The following PREP variants were observed in gnomAD, a reference collection of about 807,000 sequenced individuals.
PREP encodes prolyl endopeptidase, also known as dJ355L5.1 (prolyl endopeptidase).
Under a neutral mutation model 87.6 loss-of-function variants are expected in PREP, and 29 were observed. That is an observed-to-expected ratio of 0.33 (90% confidence interval 0.25 to 0.45). PREP has a LOEUF of 0.45. Ranked by LOEUF, PREP falls within the 20% of genes least tolerant of loss-of-function variation. PREP has a pLI of 1.00. For missense variants in PREP, 695 were observed against 886.5 expected, an observed-to-expected ratio of 0.78 and a Z score of 2.74; for synonymous variants, 337 against 328.6, an observed-to-expected ratio of 1.03 and a Z score of -0.28.
intron 7 of PREP, among the ~76,000 whole-genome samples, chr6:105,338,564 G>A (rs889972165): frequency 6.6e-6 from 1 of 152,222 alleles, no homozygotes; most frequent in Non-Finnish European, 1.5e-5. Flanking sequence ...GCAGCCCATT[G>A]AGCATGAGCC....
intron 2 of PREP, among the ~76,000 whole-genome samples, chr6:105,383,845 T>C (rs1008564045): frequency 6.6e-6 from 1 of 152,138 alleles, no homozygotes; most frequent in East Asian, 1.9e-4. Flanking sequence ...TGGTGTATAC[T>C]TTCCTGACCA....
At chr6:105,324,644 G>T (rs913592747) in intron 9 of PREP, among the ~76,000 whole-genome samples, 1 of 152,120 alleles carries the variant, frequency 6.6e-6, no homozygotes, top group African/African-American at 2.4e-5. Flanking sequence ...TTGATTTAGT[G>T]ATCCCATCAG....
chr6:105,369,852 C>T (rs1772488891), intron 5 of PREP, among the ~76,000 whole-genome samples: 1 of 152,186 alleles, frequency 6.6e-6, no homozygotes, highest in Admixed American at 6.5e-5. Flanking sequence ...CGATTAAAAA[C>T]TAGGCCAAAG....
At chr6:105,331,169 C>T (rs143504008) in intron 8 of PREP, among the ~76,000 whole-genome samples, 72 of 152,298 alleles carry the variant, frequency 4.7e-4, no homozygotes, top group African/African-American at 1.6e-3. Context: ...CAATAGGGCG[C>T]TCTGTGCTAA....
chr6:105,396,690 C>CT (rs36026304), intron 2 of PREP, among the ~76,000 whole-genome samples: 63 of 146,174 alleles, frequency 4.3e-4, no homozygotes, highest in Non-Finnish European at 5.1e-4. Flanking sequence ...GCCATTTAAC[C>CT]TTTTTTTTTT....
chr6:105,308,462 A>G (rs370626214), intron 10 of PREP, among the ~76,000 whole-genome samples: 29 of 152,186 alleles, frequency 1.9e-4, no homozygotes, highest in Admixed American at 1.5e-3. Flanking sequence ...TTGATGCTCT[A>G]TAAGGGAGGC....
At chr6:105,380,254 A>G (rs1772802110) in intron 2 of PREP, among the ~76,000 whole-genome samples, 1 of 152,158 alleles carries the variant, frequency 6.6e-6, no homozygotes, top group Admixed American at 6.5e-5. Flanking sequence ...CAGAGGAAAC[A>G]GCAGGTGTGG....
At chr6:105,320,236 A>G (rs958429025) in intron 10 of PREP, among the ~76,000 whole-genome samples, 1 of 152,256 alleles carries the variant, frequency 6.6e-6, no homozygotes, top group African/African-American at 2.4e-5. Flanking sequence ...TGATAAACCT[A>G]TCTAAAACTG....
chr6:105,288,616 CA>C, intron 11 of PREP, 141 bp downstream of exon 11: 1 of 1,112,064 alleles, frequency 9.0e-7, no homozygotes, highest in Non-Finnish European at 1.2e-6. Context: ...CTCAGCCTCC[CA>C]AGGTGCTGGG....
At chr6:105,310,133 G>C (rs1770731624) in intron 10 of PREP, among the ~76,000 whole-genome samples, 1 of 152,192 alleles carries the variant, frequency 6.6e-6, no homozygotes, top group Admixed American at 6.5e-5. Context: ...CGGAAGAAGA[G>C]AGAGAGTGGG....
intron 10 of PREP, among the ~76,000 whole-genome samples, chr6:105,311,749 G>A (rs1244840490): frequency 1.3e-5 from 2 of 152,200 alleles, no homozygotes; most frequent in Non-Finnish European, 2.9e-5. Flanking sequence ...CGGGATGAAT[G>A]AAAGGGGTTC....
At chr6:105,396,057 A>G (rs1034789954) in intron 2 of PREP, among the ~76,000 whole-genome samples, 37 of 152,276 alleles carry the variant, frequency 2.4e-4, no homozygotes, top group Non-Finnish European at 4.3e-4. Flanking sequence ...TTACCTGCAG[A>G]GCTACAGCCT....
chr6:105,314,746 T>A (rs933517507), intron 10 of PREP, among the ~76,000 whole-genome samples: 6 of 152,222 alleles, frequency 3.9e-5, no homozygotes, highest in African/African-American at 1.4e-4. Context: ...AAACTCATGT[T>A]AATGTTGATA....
At chr6:105,340,533 C>T (rs1003238210) in intron 7 of PREP, among the ~76,000 whole-genome samples, 1 of 152,162 alleles carries the variant, frequency 6.6e-6, no homozygotes, top group Non-Finnish European at 1.5e-5. Flanking sequence ...ATCAAATCCA[C>T]ACATAACAAT....
intron 7 of PREP, among the ~76,000 whole-genome samples, chr6:105,334,710 G>C (rs1037943596): frequency 2.9e-5 from 3 of 104,358 alleles, no homozygotes; most frequent in African/African-American, 6.1e-5. Flanking sequence ...GTGAGACTCT[G>C]TCTCAACAAC....
intron 7 of PREP, among the ~76,000 whole-genome samples, chr6:105,342,686 C>G (rs1396406899): frequency 4.6e-5 from 7 of 152,204 alleles, no homozygotes; most frequent in South Asian, 2.1e-4. Context: ...TCAGCAAAAT[C>G]TCAGGATACA....
chr6:105,333,187 T>C lies in PREP; in HGVS notation c.1015+127A>G, dbSNP rs926850519. 15 of 849,820 alleles carry C rather than the reference T, an allele frequency of 1.8e-5. No homozygotes were observed. In the African/African-American group the frequency reaches 2.2e-4, roughly 13 times the overall value. 52.6% of individuals were successfully genotyped at this position (849,820 alleles called of 1,614,324 possible). A position where few individuals can be genotyped will look rare whatever the true frequency, so the allele number is the denominator to read the frequency against. On this transcript the variant is annotated intron_variant, in intron 8 of 14. Transcript: ENST00000652536. Reference sequence around the variant, plus strand: ...TTGGATGAACTATTTAGACACTTCATTCCTGATGATTACAGGTTGAAGGTT... The same window carrying C: ...TTGGATGAACTATTTAGACACTTCACTCCTGATGATTACAGGTTGAAGGTT...
At chr6:105,319,549 T>C (rs969599465) in intron 10 of PREP, among the ~76,000 whole-genome samples, 1 of 152,242 alleles carries the variant, frequency 6.6e-6, no homozygotes, top group Non-Finnish European at 1.5e-5. Context: ...CAGTACACTA[T>C]TCCATCAACT....
At chr6:105,392,704 G>C (rs1475167140) in intron 2 of PREP, among the ~76,000 whole-genome samples, 2 of 152,176 alleles carry the variant, frequency 1.3e-5, no homozygotes, top group African/African-American at 2.4e-5. Flanking sequence ...AGCCACCCAA[G>C]TAGCTGGAAT....
Sources: allele counts gnomAD v4.1 joint callset (sites outside exome capture counted in the v4.1 genomes callset), GRCh38; gene constraint gnomAD v4.1.1; transcripts MANE v1.5; gene names NCBI Gene and HGNC (gene_info 2026-07-23, HGNC 2026-07-21).